Variants in SEMA3A observed in about 807,000 individuals in gnomAD.
SEMA3A encodes the protein semaphorin 3A.
Under a neutral mutation model 97.9 loss-of-function variants are expected in SEMA3A, and 29 were observed. The ratio of observed to expected loss-of-function variants is 0.30; its 90% CI spans 0.22 to 0.40. The LOEUF (loss-of-function observed/expected upper bound fraction) is 0.40, where lower values mean the gene tolerates loss of function less well. Among genes scored for constraint, SEMA3A ranks in the 10% least tolerant of loss-of-function variants. The probability of loss-of-function intolerance (pLI) is 1.00; values close to 1 mark genes in which losing one functional copy is unlikely to be tolerated. For missense variants in SEMA3A, 763 were observed against 951.3 expected (o/e 0.80, Z 2.60); for synonymous variants, 321 against 323.7 (o/e 0.99, Z 0.09).
chr7:84,057,103 A>C (rs1377086839), intron 5 of SEMA3A, among the ~76,000 whole-genome samples: 1 of 152,178 alleles, frequency 6.6e-6, no homozygotes, highest in African/African-American at 2.4e-5. Context: ...GCATTTTGTA[A>C]TGTCAAATTA....
chr7:84,202,913 T>C (rs904381567), intron 3 of SEMA3A, among the ~76,000 whole-genome samples: 1 of 152,200 alleles, frequency 6.6e-6, no homozygotes, highest in Non-Finnish European at 1.5e-5. Context: ...ATGTGCTTAA[T>C]TTTTTAATAC....
chr7:84,276,670 T>C (rs1057195910), intron 3 of SEMA3A, among the ~76,000 whole-genome samples: 1 of 152,148 alleles, frequency 6.6e-6, no homozygotes, highest in Non-Finnish European at 1.5e-5. Flanking sequence ...AAATATTTTA[T>C]ACAGTAATAT....
chr7:84,429,516 T>TTATATTTATATATATATATATATA (rs1804913947), intron 1 of SEMA3A, among the ~76,000 whole-genome samples: 1 of 72,420 alleles, frequency 1.4e-5, no homozygotes. Context: ...ATAGAGTTTG[T>TTATATTTATATATATATATATATA]TATATATATA....
At chr7:84,323,994 G>A (rs1801716741) in intron 2 of SEMA3A, among the ~76,000 whole-genome samples, 1 of 152,134 alleles carries the variant, frequency 6.6e-6, no homozygotes, top group Admixed American at 6.6e-5. Flanking sequence ...TTACAATAAA[G>A]TGTTTGAAAG....
At chr7:83,965,239 C>T (rs766376558) in intron 15 of SEMA3A, among the ~76,000 whole-genome samples, 2 of 151,438 alleles carry the variant, frequency 1.3e-5, no homozygotes, top group African/African-American at 2.4e-5. Context: ...GCGTCCGGCC[C>T]GTTTAAACTT....
intron 1 of SEMA3A, among the ~76,000 whole-genome samples, chr7:84,415,989 T>C (rs749145867): frequency 9.2e-5 from 14 of 152,256 alleles, no homozygotes; most frequent in Non-Finnish European, 1.8e-4. Context: ...TTAATAGTAT[T>C]AAATTTTATT....
chr7:84,197,976 G>T (rs749532899), upstream of SEMA3A, among the ~76,000 whole-genome samples: 1 of 151,702 alleles, frequency 6.6e-6, no homozygotes, highest in South Asian at 2.1e-4. Context: ...CTGAACTCAG[G>T]CAATCTGCCG....
intron 1 of SEMA3A, among the ~76,000 whole-genome samples, chr7:84,387,635 G>A (rs1258282023): frequency 1.3e-5 from 2 of 152,090 alleles, no homozygotes; most frequent in East Asian, 3.9e-4. Flanking sequence ...AAATAATACA[G>A]ATACAGATAA....
chr7:84,256,300 T>C (rs1368750790), intron 3 of SEMA3A, among the ~76,000 whole-genome samples: 1 of 152,038 alleles, frequency 6.6e-6, no homozygotes, highest in Non-Finnish European at 1.5e-5. Context: ...GTTACATCAT[T>C]ATTTAAAAGT....
At chr7:84,065,896 G>A (rs1793467604) in intron 4 of SEMA3A, among the ~76,000 whole-genome samples, 2 of 151,824 alleles carry the variant, frequency 1.3e-5, no homozygotes, top group African/African-American at 4.9e-5. Flanking sequence ...TAGAAAAAGA[G>A]GGAATCCTCC....
chr7:84,445,998 A>G (rs759452832), intron 1 of SEMA3A, among the ~76,000 whole-genome samples: 1 of 152,162 alleles, frequency 6.6e-6, no homozygotes, highest in African/African-American at 2.4e-5. Flanking sequence ...TCAAATTACT[A>G]AAATCAGAAA....
At chr7:83,999,209 G>A (rs1040761530) in intron 12 of SEMA3A, among the ~76,000 whole-genome samples, 2 of 152,052 alleles carry the variant, frequency 1.3e-5, no homozygotes, top group African/African-American at 2.4e-5. Context: ...GACTATACTC[G>A]CAAGATTGTT....
At chr7:84,312,870 TTTTA>T (rs2115870550) in intron 2 of SEMA3A, among the ~76,000 whole-genome samples, 1 of 78,646 alleles carries the variant, frequency 1.3e-5, no homozygotes, top group Non-Finnish European at 2.4e-5. Flanking sequence ...TTTGGTGTTG[TTTTA>T]TATATATATA....
intron 2 of SEMA3A, among the ~76,000 whole-genome samples, chr7:84,371,442 A>G (rs2116102728): frequency 6.6e-6 from 1 of 152,020 alleles, no homozygotes; most frequent in South Asian, 2.1e-4. Context: ...TTCTAACACA[A>G]AATTTTGAAT....
chr7:84,208,547 T>C (rs960720861), intron 3 of SEMA3A, among the ~76,000 whole-genome samples: 2 of 152,172 alleles, frequency 1.3e-5, no homozygotes, highest in Non-Finnish European at 2.9e-5. Context: ...TTTAGAAATA[T>C]ACAGCAACCA....
intron 6 of SEMA3A, among the ~76,000 whole-genome samples, chr7:84,029,081 C>T (rs1252506499): frequency 6.6e-6 from 1 of 152,184 alleles, no homozygotes; most frequent in Non-Finnish European, 1.5e-5. Context: ...GAGCACAAAA[C>T]ATGTTTCAAG....
intron 3 of SEMA3A, among the ~76,000 whole-genome samples, chr7:84,257,399 G>A (rs1356074318): frequency 6.6e-6 from 1 of 151,962 alleles, no homozygotes; most frequent in Admixed American, 6.6e-5. Flanking sequence ...TTCCCCAGGA[G>A]ATTAGGAAAC....
At chr7:84,159,897 G>C (rs1462946652) in intron 1 of SEMA3A, among the ~76,000 whole-genome samples, 1 of 152,078 alleles carries the variant, frequency 6.6e-6, no homozygotes. Context: ...GCATTTTGCT[G>C]TTAAAAAGCC....
chr7:84,281,135 A>G (rs1341451317), intron 3 of SEMA3A, among the ~76,000 whole-genome samples: 2 of 152,174 alleles, frequency 1.3e-5, no homozygotes, highest in African/African-American at 2.4e-5. Context: ...AATTTTGAAA[A>G]GCAGTTTTAA....
Sources: gnomAD v4.1 joint callset for allele counts (sites outside exome capture counted in the v4.1 genomes callset) on GRCh38, gnomAD v4.1.1 for gene constraint, MANE v1.5 for transcripts, NCBI Gene and HGNC (gene_info 2026-07-23, HGNC 2026-07-21) for gene names.